Variants in SLC1A3 observed in about 807,000 individuals in gnomAD.
The protein encoded by SLC1A3 is excitatory amino acid transporter 1.
A neutral mutation model predicts 48.1 loss-of-function variants in SLC1A3; 21 were observed. That is an observed-to-expected ratio of 0.44 (90% CI 0.31 to 0.63). The LOEUF is 0.63. Among genes scored for constraint, SLC1A3 ranks in the 20% least tolerant of loss-of-function variants. The probability of loss-of-function intolerance (pLI) is 0.08; values close to 1 mark genes in which losing one functional copy is unlikely to be tolerated. For synonymous variants in SLC1A3, 239 were observed against 251.4 expected (o/e 0.95, Z 0.47); for missense variants, 546 against 689.0 (o/e 0.79, Z 2.32).
At chr5:36,663,289 C>T (rs954987329) in intron 3 of SLC1A3, among the ~76,000 whole-genome samples, 1 of 152,042 alleles carries the variant, frequency 6.6e-6, no homozygotes, top group Non-Finnish European at 1.5e-5. Context: ...GATCTCTGCT[C>T]CCTGCAACCT....
At chr5:36,685,951 G>C (rs970039474) in intron 9 of SLC1A3, 114 bp from the exon 10 acceptor site, 9 of 791,126 alleles carry the variant, frequency 1.1e-5, no homozygotes, top group Non-Finnish European at 1.8e-5. Flanking sequence ...GCAGTTGGTA[G>C]ATACGGCGAA....
At chr5:36,615,187 A>G (rs1451192132) in intron 2 of SLC1A3, among the ~76,000 whole-genome samples, 1 of 152,186 alleles carries the variant, frequency 6.6e-6, no homozygotes, top group Non-Finnish European at 1.5e-5. Context: ...GATCCTGGGT[A>G]CAGGCCCGGC....
intron 6 of SLC1A3, among the ~76,000 whole-genome samples, 186 bp from the exon 7 acceptor site, chr5:36,679,441 G>GA (rs529579318): frequency 2.4e-4 from 36 of 151,806 alleles, no homozygotes; most frequent in African/African-American, 8.2e-4. Flanking sequence ...ATTTACAAAA[G>GA]AAAAAAAAGA....
intron 3 of SLC1A3, among the ~76,000 whole-genome samples, chr5:36,638,277 T>C (rs1343329338): frequency 6.6e-6 from 1 of 152,290 alleles, no homozygotes; most frequent in East Asian, 1.9e-4. Context: ...GAGTCTGCAT[T>C]CTTGGCAGGA....
rs748712366 is a variant in SLC1A3, at chr5:36,679,622, C to T, written c.861-5C>T. 6.2e-6 allele frequency: 10 copies of T among 1,605,818 alleles called. 1 individual carries two copies. In the South Asian group the frequency reaches 1.1e-4, roughly 18 times the overall value. ...TCCAACCGTGCTGGTGTTGCTTCTC[C>T]CCAGGTATGCCCCCGTGGGTATTCT... On this transcript the variant is annotated splice_polypyrimidine_tract_variant and splice_region_variant and intron_variant, in intron 6 of 9. Coordinates refer to ENST00000265113, the MANE Select transcript of SLC1A3 (RefSeq NM_004172.5).
intron 3 of SLC1A3, among the ~76,000 whole-genome samples, chr5:36,665,403 G>A (rs948423870): frequency 6.6e-4 from 101 of 152,308 alleles, no homozygotes; most frequent in African/African-American, 2.2e-3. Flanking sequence ...TCTGGTAGCA[G>A]GAGACACAGA....
intron 4 of SLC1A3, among the ~76,000 whole-genome samples, chr5:36,672,095 C>A (rs1023938136): frequency 2.6e-5 from 4 of 152,148 alleles, no homozygotes; most frequent in South Asian, 2.1e-4. Flanking sequence ...TTTGTTAACA[C>A]CCTTAGCTAT....
chr5:36,623,061 G>T (rs1739749929), intron 2 of SLC1A3, among the ~76,000 whole-genome samples: 1 of 148,980 alleles, frequency 6.7e-6, no homozygotes. Flanking sequence ...AGGAAAACAA[G>T]GAACCTCTGA....
intron 3 of SLC1A3, among the ~76,000 whole-genome samples, chr5:36,658,532 TG>T (rs1453353708): frequency 6.6e-6 from 1 of 152,182 alleles, no homozygotes; most frequent in Non-Finnish European, 1.5e-5. Flanking sequence ...AGACTTGCTT[TG>T]GGTTCCTCCA....
intron 3 of SLC1A3, among the ~76,000 whole-genome samples, chr5:36,646,829 A>G (rs1414077031): frequency 6.6e-6 from 1 of 152,216 alleles, no homozygotes; most frequent in Non-Finnish European, 1.5e-5. Flanking sequence ...GTACCCACAA[A>G]TAATGTTCAA....
chr5:36,621,568 T>C (rs1444858934), intron 2 of SLC1A3, among the ~76,000 whole-genome samples: 2 of 152,164 alleles, frequency 1.3e-5, no homozygotes, highest in African/African-American at 4.8e-5. Flanking sequence ...AGAAGACTAC[T>C]GCAATAGTCC....
chr5:36,675,835 C>T (rs1417996008), intron 5 of SLC1A3, among the ~76,000 whole-genome samples: 3 of 152,278 alleles, frequency 2.0e-5, no homozygotes, highest in South Asian at 2.1e-4. Flanking sequence ...GGATAAGAAA[C>T]TTTTCCATTA....
intron 2 of SLC1A3, among the ~76,000 whole-genome samples, chr5:36,609,591 C>T (rs1293767167): frequency 6.6e-6 from 1 of 152,068 alleles, no homozygotes; most frequent in East Asian, 1.9e-4. Flanking sequence ...GTAAATATAA[C>T]TTTTTTCAAG....
At chr5:36,679,601 A>G (rs1742350547) in intron 6 of SLC1A3, 26 bp from the exon 7 acceptor site, 1 of 1,521,794 alleles carries the variant, frequency 6.6e-7, no homozygotes, top group Non-Finnish European at 9.1e-7. Context: ...CCAGACTCCA[A>G]CCGTGCTGGT....
chr5:36,676,924 A>C lies in SLC1A3; in HGVS notation c.600A>C (p.Lys200Asn). 6.2e-7 allele frequency: 1 copy of C among 1,613,942 alleles called. No homozygotes were observed. Among genetic ancestry groups the C allele is most frequent in the Non-Finnish European group, 8.5e-7 (1 of 1,179,872 alleles). The change falls in exon 6 of 10, where the codon AAA becomes AAC. Residue 200 changes from lysine to asparagine, a missense_variant. Lys to Asn is a moderately conservative substitution (Grantham distance 94). This residue lies in a region of SLC1A3 where 348 missense variants were observed against 392.0 expected (regional missense o/e 0.89). Coordinates refer to ENST00000265113, the MANE Select transcript of SLC1A3 (RefSeq NM_004172.5). Reference sequence around the variant, plus strand: ...CCAACTATGAGAAGAGAAGCTTTAAAGTGCCCATCCAGGCCAACGAAACGC... The same window carrying C: ...CCAACTATGAGAAGAGAAGCTTTAACGTGCCCATCCAGGCCAACGAAACGC... ...FKTNYEKRSF[K>N]VPIQANETLV...
intron 2 of SLC1A3, among the ~76,000 whole-genome samples, chr5:36,623,754 C>T (rs1739784970): frequency 6.6e-6 from 1 of 150,424 alleles, no homozygotes; most frequent in Non-Finnish European, 1.5e-5. Flanking sequence ...ATCCCAGCTA[C>T]TTGTGAGGCT....
At chr5:36,626,402 A>G (rs1291034461) in intron 2 of SLC1A3, among the ~76,000 whole-genome samples, 1 of 152,136 alleles carries the variant, frequency 6.6e-6, no homozygotes, top group Non-Finnish European at 1.5e-5. Flanking sequence ...CTACCCTTGG[A>G]AATATTACTG....
At position 36,683,850 on chromosome 5, in the gene SLC1A3, A is replaced by G; in HGVS notation, c.1290-14A>G. 1 of 1,614,152 alleles carries G rather than the reference A, an allele frequency of 6.2e-7. No homozygotes were observed. Among genetic ancestry groups the G allele is most frequent in the African/African-American group, 1.3e-5 (1 of 75,032 alleles). ...TTGTAAAAGTGTTTTCTGTTCTGGT[A>G]CTTCTGTTAACAGCATCACAGCCAC... On this transcript the variant is annotated splice_polypyrimidine_tract_variant and intron_variant, in intron 8 of 9. Coordinates refer to ENST00000265113, the MANE Select transcript of SLC1A3 (RefSeq NM_004172.5).
In SLC1A3 at chr5:36,608,592, G is replaced by A. The variant is rs143571478; in HGVS notation, c.169G>A (p.Ala57Thr). ...RNAFVLLTVT[A>T]VIVGTILGFT... is the part of the protein sequence containing the mutation. ...TGCTTTTGTGCTGCTCACAGTCACC[G>A]CTGTCATTGTGGGTGAGTCATTTGA... The change falls in exon 2 of 10, where the codon GCT becomes ACT. Residue 57 changes from alanine to threonine, a missense_variant. Coordinates refer to ENST00000265113, the MANE Select transcript of SLC1A3 (RefSeq NM_004172.5). The A allele has an allele frequency of 5.8e-5, 93 of 1,612,962 alleles. No individual in the cohort carries two copies. The highest frequency in any genetic ancestry group is 6.9e-5 in the Non-Finnish European group (81 of 1,179,688).
Sources: allele counts gnomAD v4.1 joint callset (sites outside exome capture counted in the v4.1 genomes callset), GRCh38; gene constraint gnomAD v4.1.1; regional missense constraint gnomAD v4.1.1; transcripts MANE v1.5; gene names NCBI Gene and HGNC (gene_info 2026-07-23, HGNC 2026-07-21).